Variants in TRIM66 observed in about 807,000 individuals in gnomAD.
The protein encoded by TRIM66 is tripartite motif-containing protein 66.
Under a neutral mutation model 148.2 loss-of-function variants are expected in TRIM66, and 99 were observed. The observed-to-expected ratio is 0.67, with a 90% CI of 0.57 to 0.79. The LOEUF is 0.79. TRIM66 is among the 30% of genes least tolerant of loss of function. The probability of loss-of-function intolerance (pLI) is 0.00; values close to 1 mark genes in which losing one functional copy is unlikely to be tolerated. For missense variants in TRIM66, 1,666 were observed against 1,697.9 expected (o/e 0.98, Z 0.33); for synonymous variants, 616 against 635.9 (o/e 0.97, Z 0.47).
At chr11:8,653,220 A>C (rs2037518495) in intron 6 of TRIM66, among the ~76,000 whole-genome samples, 1 of 152,226 alleles carries the variant, frequency 6.6e-6, no homozygotes, top group African/African-American at 2.4e-5. Context: ...TCAAAAGGTA[A>C]GACTCTCCAC....
At chr11:8,619,076 G>A in intron 23 of TRIM66, 108 bp from the exon 24 acceptor site, 1 of 1,043,272 alleles carries the variant, frequency 9.6e-7, no homozygotes, top group Non-Finnish European at 1.4e-6. Context: ...GTGTCCTGAG[G>A]TGTCTGGAAC....
At chr11:8,620,960 C>G in intron 20 of TRIM66, 72 bp downstream of exon 20, 2 of 1,495,354 alleles carry the variant, frequency 1.3e-6, no homozygotes, top group Non-Finnish European at 1.8e-6. Context: ...CTCTGTGGGC[C>G]TGGCCTGGAA....
At chr11:8,660,370 C>G (rs2133375396) in intron 6 of TRIM66, among the ~76,000 whole-genome samples, 1 of 152,356 alleles carries the variant, frequency 6.6e-6, no homozygotes, top group East Asian at 1.9e-4. Context: ...ATTTTTCTGA[C>G]TCTGCCTGGT....
At chr11:8,667,158 A>G (rs1031215267) in intron 6 of TRIM66, among the ~76,000 whole-genome samples, 2 of 152,182 alleles carry the variant, frequency 1.3e-5, no homozygotes, top group African/African-American at 4.8e-5. Flanking sequence ...TTAGAGTCAA[A>G]CACAGCCTTG....
chr11:8,677,036 A>T (rs911123820), intron 3 of TRIM66, among the ~76,000 whole-genome samples: 1 of 152,230 alleles, frequency 6.6e-6, no homozygotes, highest in East Asian at 1.9e-4. Context: ...TATATCTAAG[A>T]AAAGGAAAAT....
At position 8,670,007 on chromosome 11, in the gene TRIM66, G is replaced by GT. The variant is rs752586311; in HGVS notation, c.340+1778dup. Among the ~76,000 whole-genome samples the GT allele has an allele frequency of 1.6e-3, 225 of 138,474 alleles. 4 individuals are homozygous for GT. The highest frequency in any genetic ancestry group is 0.012 in the Middle Eastern group (3 of 252). 90.8% of individuals were successfully genotyped at this position (138,474 alleles called of 152,430 possible). ...GTAGTTTTTTGTTTTGTCTTGTTTTGTTTTTATTTATTTTTTTTTTTTTGA... is the reference window on the plus strand; with the variant it reads ...GTAGTTTTTTGTTTTGTCTTGTTTTGTTTTTTATTTATTTTTTTTTTTTTGA... On this transcript the variant is annotated intron_variant, in intron 6 of 24. Transcript: ENST00000646038.
chr11:8,640,461 G>A lies in TRIM66; in HGVS notation c.1914C>T (p.His638=), dbSNP rs771248554. ...AACAGGCAGGGCCAGGAGGGCTCTCGTGCTGACTAGAAGCCAGATGCTGGG... is the reference window on the plus strand; with the variant it reads ...AACAGGCAGGGCCAGGAGGGCTCTCATGCTGACTAGAAGCCAGATGCTGGG... ...PPSQHLASSQ[H]ESPPGPACSQ... is the part of the protein sequence containing the mutation. Residue 638 remains histidine (H), a synonymous_variant, in exon 14 of 25, where the codon CAC becomes CAT. Coordinates refer to ENST00000646038, the MANE Select transcript of TRIM66 (RefSeq NM_001388022.1). The A allele has an allele frequency of 3.0e-5, 46 of 1,549,860 alleles. No homozygotes were observed. Among genetic ancestry groups the A allele is most frequent in the Admixed American group, 3.9e-5 (2 of 50,744 alleles).
intron 6 of TRIM66, among the ~76,000 whole-genome samples, chr11:8,659,305 T>G (rs576480130): frequency 6.6e-6 from 1 of 152,068 alleles, no homozygotes; most frequent in Non-Finnish European, 1.5e-5. Flanking sequence ...TATGATTATC[T>G]TGATGGACTG....
upstream of TRIM66, chr11:8,683,121 C>T (rs1565589790): frequency 1.4e-6 from 2 of 1,412,666 alleles, no homozygotes; most frequent in Admixed American, 1.7e-5. Flanking sequence ...GACCCACAGG[C>T]TTACAGGACC....
At position 8,624,500 on chromosome 11, in the gene TRIM66, T is replaced by C. The variant is rs2034618701; in HGVS notation, c.2878A>G (p.Ile960Val). Residue 960 changes from isoleucine to valine, a missense_variant, in exon 17 of 25, where the codon ATA (isoleucine) becomes GTA (valine). Transcript: ENST00000646038. ...TTGGGAGCATCCAGACCGGGGACTA[T>C]GGGACCTTGTCCCAGTAAGTCAGTG... ...RFTDLLGQGP[I>V]VPGLDAPKDL... 13 of 1,549,232 alleles carry C rather than the reference T, an allele frequency of 8.4e-6. No homozygotes were observed. Among genetic ancestry groups the C allele is most frequent in the East Asian group, 2.4e-5 (1 of 40,910 alleles).
At chr11:8,618,100 GTATTT>G in intron 24 of TRIM66, 97 bp from the exon 25 acceptor site, 1 of 1,190,148 alleles carries the variant, frequency 8.4e-7, no homozygotes, top group South Asian at 1.3e-5. Flanking sequence ...CCAAGTCAAC[GTATTT>G]TATTCTACCC....
intron 6 of TRIM66, among the ~76,000 whole-genome samples, chr11:8,668,093 G>A (rs991425708): frequency 4.6e-5 from 7 of 152,092 alleles, no homozygotes; most frequent in African/African-American, 1.4e-4. Flanking sequence ...GGATTTTTTT[G>A]GTTTGTTTGA....
rs953775446 is a variant in TRIM66, at chr11:8,625,319, C to T, written c.2311-91G>A. 2.0e-5 allele frequency: 28 copies of T among 1,402,798 alleles called. No individual in the cohort carries two copies. In the African/African-American group the frequency reaches 2.5e-4, roughly 12 times the overall value. 86.9% of individuals were successfully genotyped at this position (1,402,798 alleles called of 1,614,324 possible). A position where few individuals can be genotyped will look rare whatever the true frequency, so the allele number is the denominator to read the frequency against. ...GACCCAACCCACAGGAACTCCCATG[C>T]TCCAATTCCACTCTGGCTTCAGAGT... On this transcript the variant is annotated intron_variant, in intron 15 of 24. Transcript: ENST00000646038.
At chr11:8,629,712 C>T (rs1004047986) in intron 15 of TRIM66, among the ~76,000 whole-genome samples, 11 of 152,158 alleles carry the variant, frequency 7.2e-5, no homozygotes, top group Non-Finnish European at 1.5e-4. Context: ...AACCTGGTCC[C>T]GTAATGCCCA....
intron 6 of TRIM66, among the ~76,000 whole-genome samples, chr11:8,660,727 G>C (rs1030194375): frequency 6.6e-5 from 10 of 152,204 alleles, no homozygotes; most frequent in African/African-American, 2.4e-4. Flanking sequence ...GATTTTGCTT[G>C]TTCCAAGCCC....
chr11:8,675,007 A>C (rs548330047), intron 3 of TRIM66, 124 bp from the exon 4 acceptor site: 1 of 152,368 alleles, frequency 6.6e-6, no homozygotes, highest in Non-Finnish European at 1.5e-5. Context: ...ACTCTGAACC[A>C]AACTTTTCTT....
At chr11:8,646,295 A>T (rs2036840006) in intron 11 of TRIM66, among the ~76,000 whole-genome samples, 152 bp downstream of exon 11, 1 of 152,144 alleles carries the variant, frequency 6.6e-6, no homozygotes, top group Admixed American at 6.5e-5. Context: ...ACCCTCCCAA[A>T]ATTAGGCTGA....
chr11:8,671,087 G>C (rs2038905271), intron 6 of TRIM66, among the ~76,000 whole-genome samples: 1 of 152,204 alleles, frequency 6.6e-6, no homozygotes, highest in Admixed American at 6.5e-5. Flanking sequence ...GCCTCACAGA[G>C]AGCCTAGATT....
intron 10 of TRIM66, 124 bp from the exon 11 acceptor site, chr11:8,646,685 A>G: frequency 1.5e-6 from 1 of 682,138 alleles, no homozygotes; most frequent in Non-Finnish European, 2.5e-6. Flanking sequence ...GCAGACACCA[A>G]ATACAAAAAA....
Sources: allele counts gnomAD v4.1 joint callset (sites outside exome capture counted in the v4.1 genomes callset), GRCh38; gene constraint gnomAD v4.1.1; transcripts MANE v1.5; gene names NCBI Gene and HGNC (gene_info 2026-07-23, HGNC 2026-07-21).